Variants in PCDHA1 observed in about 807,000 individuals in gnomAD.
The protein encoded by PCDHA1 is protocadherin alpha 1.
PCDHA1 carries 42 observed loss-of-function variants against 61.3 expected under a neutral mutation model. That is an observed-to-expected ratio of 0.69 (90% confidence interval 0.54 to 0.89). The LOEUF (loss-of-function observed/expected upper bound fraction) is 0.89, where lower values mean the gene tolerates loss of function less well. PCDHA1 is among the 40% of genes least tolerant of loss of function. PCDHA1 has a pLI of 0.00. For missense variants in PCDHA1, 1,256 were observed against 1,235.3 expected (o/e 1.02, Z -0.25); for synonymous variants, 610 against 553.8 (o/e 1.10, Z -1.43).
intron 1 of PCDHA1, among the ~76,000 whole-genome samples, chr5:140,913,413 G>A (rs976186231): frequency 3.3e-5 from 5 of 152,050 alleles, no homozygotes; most frequent in Non-Finnish European, 5.9e-5. Flanking sequence ...TTGAATTCCT[G>A]CAGTATCAGT....
intron 1 of PCDHA1, among the ~76,000 whole-genome samples, chr5:140,855,001 A>G (rs1315198457): frequency 1.3e-4 from 20 of 149,948 alleles, no homozygotes; most frequent in Admixed American, 1.2e-3. Context: ...CCCGTGTAAG[A>G]TATTATAAAA....
chr5:140,925,721 T>C lies in PCDHA1; in HGVS notation c.2395-53228T>C, dbSNP rs1360748997. Among the ~76,000 whole-genome samples the C allele has an allele frequency of 3.3e-5, 5 of 151,692 alleles. No individual in the cohort carries two copies. In the East Asian group the frequency reaches 7.7e-4, roughly 23 times the overall value. ...AGCCTATTCTTATCCTGCCTCATGG[T>C]GTTTTCTAAATATTTACAGAAAGAA... On this transcript the variant is annotated intron_variant, in intron 1 of 3. Transcript: ENST00000504120.
chr5:140,802,931 C>T (rs1166121837), intron 1 of PCDHA1: 6 of 1,613,666 alleles, frequency 3.7e-6, no homozygotes, highest in Admixed American at 3.3e-5. Context: ...GCGCAGTGAG[C>T]GAGCTGGTGC....
At chr5:140,801,416 C>A (rs781922932) in intron 1 of PCDHA1, 29 of 1,613,660 alleles carry the variant, frequency 1.8e-5, no homozygotes, top group South Asian at 7.7e-5. Context: ...GACACGGGGA[C>A]CTTCTGGAGG....
At chr5:140,979,104 A>G (rs1563470833) in intron 2 of PCDHA1, 97 bp downstream of exon 2, 3 of 1,539,000 alleles carry the variant, frequency 1.9e-6, no homozygotes, top group Admixed American at 2.2e-5. Context: ...TGTCAAAACT[A>G]AAAAGCTTTA....
chr5:140,949,457 T>C (rs1369576515), intron 1 of PCDHA1, among the ~76,000 whole-genome samples: 1 of 151,872 alleles, frequency 6.6e-6, no homozygotes, highest in Non-Finnish European at 1.5e-5. Flanking sequence ...TCATGTAATT[T>C]GAAGCCCTGT....
At chr5:140,866,727 T>C (rs1254232410) in intron 1 of PCDHA1, 1 of 152,170 alleles carries the variant, frequency 6.6e-6, no homozygotes, top group East Asian at 1.9e-4. Context: ...CATTAAACTA[T>C]GCACTCTAAT....
chr5:140,871,999 T>C (rs116431688), intron 1 of PCDHA1, among the ~76,000 whole-genome samples: 316 of 152,330 alleles, frequency 2.1e-3, no homozygotes, highest in African/African-American at 7.4e-3. Flanking sequence ...CAGTGGCTAT[T>C]TACAGGTGAC....
In PCDHA1 at chr5:140,822,628, C is replaced by T. The variant is rs1170983907; in HGVS notation, c.2394+33944C>T. On this transcript the variant is annotated intron_variant, in intron 1 of 3. Transcript: ENST00000504120. The stretch of plus-strand genomic sequence containing the variant: ...AGTGTATTTCTTTAGTAATCTTGTT[C>T]TTGACGATGTAAAGTCCAAATTTAT... 3.7e-6 allele frequency: 6 copies of T among 1,610,966 alleles called. No individual in the cohort carries two copies. Among genetic ancestry groups the T allele is most frequent in the African/African-American group, 1.3e-5 (1 of 74,788 alleles).
intron 1 of PCDHA1, chr5:140,841,601 G>T: frequency 6.2e-7 from 1 of 1,614,136 alleles, no homozygotes; most frequent in Non-Finnish European, 8.5e-7. Context: ...CGACCGCGAG[G>T]AGCTGTGCGG....
chr5:140,884,172 G>T lies in PCDHA1; in HGVS notation c.2395-94777G>T, dbSNP rs142435897. ...TACACTGGCGAGATCAGCACGACGCGCCCTCTGGACGAGGTGGACGCGCCG... is the reference window on the plus strand; with the variant it reads ...TACACTGGCGAGATCAGCACGACGCTCCCTCTGGACGAGGTGGACGCGCCG... On this transcript the variant is annotated intron_variant, in intron 1 of 3. Transcript: ENST00000504120. 84 of 1,613,386 alleles carry T rather than the reference G, an allele frequency of 5.2e-5. No homozygotes were observed. In the African/African-American group the frequency reaches 9.2e-4, roughly 18 times the overall value.
intron 3 of PCDHA1, among the ~76,000 whole-genome samples, chr5:141,000,387 CTCTCTCTCTA>C (rs1244377903): frequency 2.3e-3 from 152 of 66,802 alleles, no homozygotes; most frequent in African/African-American, 4.6e-3. Flanking sequence ...CTCTCTCTCT[CTCTCTCTCTA>C]TATATATATA....
At chr5:140,836,991 C>A in intron 1 of PCDHA1, 2 of 347,628 alleles carry the variant, frequency 5.8e-6, no homozygotes, top group Non-Finnish European at 1.0e-5. Context: ...GAGGACTTTG[C>A]TAACTGGAGC....
chr5:141,000,361 G>GTCTC (rs148596731), intron 3 of PCDHA1, among the ~76,000 whole-genome samples: 446 of 26,454 alleles, frequency 0.017, 11 homozygotes, highest in Non-Finnish European at 0.022. Flanking sequence ...GTCTCTCTCT[G>GTCTC]TCTCTCTCTC....
chr5:140,846,435 C>T (rs1355633400), intron 1 of PCDHA1, among the ~76,000 whole-genome samples: 1 of 133,632 alleles, frequency 7.5e-6, no homozygotes, highest in Non-Finnish European at 1.6e-5. Flanking sequence ...AATGCAGTGG[C>T]GCAATCTCGG....
At chr5:140,960,785 A>C (rs1452809407) in intron 1 of PCDHA1, among the ~76,000 whole-genome samples, 2 of 152,200 alleles carry the variant, frequency 1.3e-5, no homozygotes, top group Admixed American at 1.3e-4. Context: ...AGGGCCAAAC[A>C]AGGTTTCTAT....
chr5:140,850,322 C>A (rs2150479524), intron 1 of PCDHA1: 3 of 1,597,382 alleles, frequency 1.9e-6, no homozygotes, highest in African/African-American at 1.3e-5. Context: ...GGCTTTCATA[C>A]GAGCTGCAGC....
intron 1 of PCDHA1, among the ~76,000 whole-genome samples, chr5:140,899,127 C>G (rs1487430888): frequency 2.0e-4 from 30 of 152,302 alleles, no homozygotes; most frequent in African/African-American, 7.0e-4. Context: ...ACAATCATGT[C>G]TTCTGCAAAC....
At chr5:140,853,548 C>T in intron 1 of PCDHA1, 1 of 978,800 alleles carries the variant, frequency 1.0e-6, no homozygotes. Flanking sequence ...GTTGTAATTA[C>T]TATATAGGAA....
Sources: gnomAD v4.1 joint callset for allele counts (sites outside exome capture counted in the v4.1 genomes callset) on GRCh38, gnomAD v4.1.1 for gene constraint, MANE v1.5 for transcripts, NCBI Gene and HGNC (gene_info 2026-07-23, HGNC 2026-07-21) for gene names.